Variants in PALS1 observed in about 807,000 individuals in gnomAD.
PALS1 encodes protein associated with LIN7 1, MAGUK p55 family member.
In PALS1, 31 loss-of-function variants were observed where a neutral mutation model predicts 78.9. The ratio of observed to expected loss-of-function variants is 0.39; its 90% CI spans 0.30 to 0.53. The LOEUF is 0.53. PALS1 is among the 20% of genes least tolerant of loss of function. The pLI is 0.67. For synonymous variants in PALS1, 276 were observed against 270.9 expected, an observed-to-expected ratio of 1.02 and a Z score of -0.18; for missense variants, 704 against 826.5, an observed-to-expected ratio of 0.85 and a Z score of 1.82.
At position 67,311,330 on chromosome 14, in the gene PALS1, A is replaced by T. The variant is rs1218452310; in HGVS notation, c.1042-1197A>T. ...CGTCTCAAAAAAAAAAAAAAAAAAA[A>T]GCCAAAGCCAAATAATATTTGGATA... On this transcript the variant is annotated intron_variant, in intron 8 of 14. Coordinates refer to ENST00000261681, the MANE Select transcript of PALS1 (RefSeq NM_022474.4). Among the ~76,000 whole-genome samples the T allele has an allele frequency of 4.6e-5, 7 of 151,398 alleles. No homozygotes were observed. In the South Asian group the frequency reaches 1.5e-3, roughly 32 times the overall value.
chr14:67,247,353 A>G (rs2084002849), intron 1 of PALS1, among the ~76,000 whole-genome samples: 1 of 152,176 alleles, frequency 6.6e-6, no homozygotes, highest in African/African-American at 2.4e-5. Flanking sequence ...ATTTTTGTAT[A>G]TTGACTTTGT....
At chr14:67,328,067 C>T (rs2141037115) in intron 14 of PALS1, among the ~76,000 whole-genome samples, 1 of 152,314 alleles carries the variant, frequency 6.6e-6, no homozygotes, top group East Asian at 1.9e-4. Flanking sequence ...CACTGTCTTC[C>T]ACAATGGTTG....
chr14:67,301,602 T>C (rs1324235325), intron 5 of PALS1, 136 bp downstream of exon 5: 5 of 499,974 alleles, frequency 1.0e-5, no homozygotes, highest in African/African-American at 3.9e-5. Context: ...ATCTATAACA[T>C]AGTAGTTATT....
chr14:67,280,853 T>TCCCTCCTTCCC (rs1555520241), intron 3 of PALS1, among the ~76,000 whole-genome samples: 1 of 77,610 alleles, frequency 1.3e-5, no homozygotes, highest in South Asian at 5.4e-4. Flanking sequence ...CCTTCCTTCC[T>TCCCTCCTTCCC]TCCCTCCCTC....
chr14:67,284,429 T>TTAAAAAAAA (rs774510430), intron 3 of PALS1, among the ~76,000 whole-genome samples: 5 of 92,678 alleles, frequency 5.4e-5, no homozygotes, highest in African/African-American at 2.5e-4. Context: ...CCCTATCTCT[T>TTAAAAAAAA]AAAAAAAAAA....
chr14:67,246,236 G>T (rs1467555551), intron 1 of PALS1, among the ~76,000 whole-genome samples: 2 of 152,022 alleles, frequency 1.3e-5, no homozygotes, highest in Non-Finnish European at 2.9e-5. Flanking sequence ...TGGCCTCCCA[G>T]GTTCAAGCAA....
At chr14:67,243,697 C>G (rs982976970) in intron 1 of PALS1, among the ~76,000 whole-genome samples, 1 of 150,836 alleles carries the variant, frequency 6.6e-6, no homozygotes, top group Non-Finnish European at 1.5e-5. Context: ...GGGTTTTCAC[C>G]GTGTTAGCCA....
chr14:67,257,555 A>G (rs1479916721), intron 1 of PALS1, among the ~76,000 whole-genome samples: 1 of 152,142 alleles, frequency 6.6e-6, no homozygotes, highest in Non-Finnish European at 1.5e-5. Flanking sequence ...ACTATGAGAG[A>G]CAGCTAAATA....
intron 8 of PALS1, among the ~76,000 whole-genome samples, chr14:67,308,314 CT>C (rs34145010): frequency 0.31 from 43,839 of 139,288 alleles, 6,955 homozygotes; most frequent in East Asian, 0.51. Flanking sequence ...ACCAAACTTC[CT>C]TTTTTTTTTT....
chr14:67,306,789 G>A (rs1488186248), intron 8 of PALS1, among the ~76,000 whole-genome samples: 3 of 152,134 alleles, frequency 2.0e-5, no homozygotes, highest in Non-Finnish European at 4.4e-5. Flanking sequence ...TGTCCAGAAA[G>A]GAAACAGTAA....
In PALS1 at chr14:67,283,175, C is replaced by T. The variant is rs541424038; in HGVS notation, c.367+3638C>T. Among the ~76,000 whole-genome samples, 7 of 152,046 alleles carry T rather than the reference C, an allele frequency of 4.6e-5. No individual in the cohort carries two copies. The South Asian group carries it at 1.0e-3, about 23-fold the overall frequency. ...AGTGTGAAGAAGGAAAAACACACCACGGGGAAGAAAACCGGGATGAATAAA... is the reference window on the plus strand; with the variant it reads ...AGTGTGAAGAAGGAAAAACACACCATGGGGAAGAAAACCGGGATGAATAAA... On this transcript the variant is annotated intron_variant, in intron 3 of 14. Transcript: ENST00000261681.
chr14:67,257,834 T>A (rs965406668), intron 1 of PALS1, among the ~76,000 whole-genome samples: 33 of 152,246 alleles, frequency 2.2e-4, no homozygotes, highest in South Asian at 4.1e-4. Flanking sequence ...TTGCTTTTTT[T>A]AAAAAATACA....
At chr14:67,321,008 C>A in intron 12 of PALS1, 49 bp from the exon 13 acceptor site, 3 of 1,491,936 alleles carry the variant, frequency 2.0e-6, no homozygotes, top group Non-Finnish European at 2.8e-6. Context: ...TATCCCCTGT[C>A]CTCACTCTAA....
intron 8 of PALS1, among the ~76,000 whole-genome samples, chr14:67,305,544 G>GT (rs1282680635): frequency 6.6e-6 from 1 of 152,222 alleles, no homozygotes; most frequent in Non-Finnish European, 1.5e-5. Context: ...GCCTCCCGAA[G>GT]TGTTGGGATT....
intron 1 of PALS1, among the ~76,000 whole-genome samples, chr14:67,268,671 A>G (rs1021114378): frequency 6.6e-6 from 1 of 152,216 alleles, no homozygotes; most frequent in Non-Finnish European, 1.5e-5. Flanking sequence ...ATGCTAACGC[A>G]TTATAATTAG....
intron 1 of PALS1, among the ~76,000 whole-genome samples, chr14:67,244,353 A>G (rs1293831713): frequency 6.6e-6 from 1 of 152,228 alleles, no homozygotes; most frequent in African/African-American, 2.4e-5. Context: ...TGCTGTAATC[A>G]TTTACATTCC....
At chr14:67,330,143 ATAATAATAATAATT>A (rs1486569138) in intron 14 of PALS1, among the ~76,000 whole-genome samples, 3 of 146,254 alleles carry the variant, frequency 2.1e-5, no homozygotes, top group Admixed American at 1.4e-4. Flanking sequence ...GAAATAAATA[ATAATAATAATAATT>A]ATTATTATTA....
chr14:67,327,456 G>C (rs942748336), intron 14 of PALS1, among the ~76,000 whole-genome samples: 4 of 151,390 alleles, frequency 2.6e-5, no homozygotes, highest in Admixed American at 1.3e-4. Context: ...TCCGGGGTGT[G>C]GGGGGAAGGT....
At chr14:67,275,825 G>A (rs148818619) in intron 2 of PALS1, among the ~76,000 whole-genome samples, 3,656 of 152,098 alleles carry the variant, frequency 0.024, 69 homozygotes, top group Non-Finnish European at 0.036. Context: ...TCAGGGATTC[G>A]ACTTCTTCCT....
Sources: allele counts gnomAD v4.1 joint callset (sites outside exome capture counted in the v4.1 genomes callset), GRCh38; gene constraint gnomAD v4.1.1; transcripts MANE v1.5; gene names NCBI Gene and HGNC (gene_info 2026-07-23, HGNC 2026-07-21).